RAB26: variants seen among roughly 807,000 people sequenced by gnomAD.
The protein encoded by RAB26 is ras-related protein Rab-26.
Under a neutral mutation model 33.1 loss-of-function variants are expected in RAB26, and 39 were observed. The ratio of observed to expected loss-of-function variants is 1.18; its 90% CI spans 0.91 to 1.54. The LOEUF (loss-of-function observed/expected upper bound fraction) is 1.54. Ranked by LOEUF, RAB26 falls within the 40% of genes most tolerant of loss-of-function variation. The pLI is 0.00. For missense variants in RAB26, 468 were observed against 362.9 expected (o/e 1.29, Z -2.35); for synonymous variants, 192 against 151.9 (o/e 1.26, Z -1.94).
rs921511836 is a variant in RAB26 at position 2,149,293 on chromosome 16, G to A, written c.195+315G>A. Among the ~76,000 whole-genome samples the A allele has an allele frequency of 2.0e-5, 3 of 151,174 alleles. No homozygotes were observed. The East Asian group carries it at 5.8e-4, about 29-fold the overall frequency. ...GTATGCTGCCCTCCCTCAACCCAGC[G>A]GCTGTGGGCCTTTTTTTTTTTTTTT... On this transcript the variant is annotated intron_variant, in intron 1 of 8. Coordinates refer to ENST00000210187, the MANE Select transcript of RAB26 (RefSeq NM_014353.5).
intron 1 of RAB26, among the ~76,000 whole-genome samples, chr16:2,149,474 G>T (rs1258566007): frequency 6.6e-6 from 1 of 152,062 alleles, no homozygotes; most frequent in Non-Finnish European, 1.5e-5. Context: ...CTGCCCACTT[G>T]CACCTCCCCC....
In RAB26 at chr16:2,150,028, T is replaced by C; in HGVS notation, c.283T>C (p.Ser95Pro). 3 of 1,544,444 alleles carry C rather than the reference T, an allele frequency of 1.9e-6. No individual in the cohort carries two copies. Among genetic ancestry groups the C allele is most frequent in the Non-Finnish European group, 2.6e-6 (3 of 1,143,670 alleles). ...TGCTTTCCTGGCGGGGACCTTCATC[T>C]CCACCGTAGGCATTGACTTCCGGGT... The part of the protein sequence containing the change: ...DGAFLAGTFI[S>P]TVGIDFRNKV... Residue 95 changes from serine to proline, a missense_variant, in exon 2 of 9, where the codon TCC becomes CCC. By Grantham distance (74) the Ser-to-Pro change is moderately conservative. Coordinates refer to ENST00000210187, the MANE Select transcript of RAB26 (RefSeq NM_014353.5).
chr16:2,151,213 C>T (rs1183120707), intron 2 of RAB26: 2 of 497,702 alleles, frequency 4.0e-6, no homozygotes, highest in East Asian at 1.1e-4. Flanking sequence ...TCAAGCCATC[C>T]TGAGTCTTTC....
Position 2,153,335 on chromosome 16 carries a change from T to G in RAB26, c.685T>G (p.Ser229Ala), listed in dbSNP as rs974345936. The G allele has an allele frequency of 6.2e-7, 1 of 1,613,422 alleles. No homozygotes were observed. Among genetic ancestry groups the G allele is most frequent in the Admixed American group, 1.7e-5 (1 of 60,022 alleles). ...ACTCCGCAGGGAGTTGAAGCAGCGC[T>G]CCATGAAGGCTCCCAGCGAGCCGCG... ...TAIAKELKQR[S>A]MKAPSEPRFR... Residue 229 changes from serine to alanine, a missense_variant, in exon 9 of 9, where the codon TCC (serine) becomes GCC (alanine). Physicochemically the swap from Ser to Ala is moderately conservative, Grantham distance 99 (BLOSUM62 1). Transcript: ENST00000210187.
In RAB26 at chr16:2,148,972, C is replaced by T. The variant is rs2092995653; in HGVS notation, c.189C>T (p.Ala63=). ...LGGGVDFYDV[A]FKVMLVGDSG... Reference sequence around the variant, plus strand: ...GCGGTGTCGACTTCTACGACGTCGCCTTCAAGGTGAGCCAGGCACCCGCCC... The same window carrying T: ...GCGGTGTCGACTTCTACGACGTCGCTTTCAAGGTGAGCCAGGCACCCGCCC... Residue 63 remains alanine (A), a synonymous_variant, in exon 1 of 9, where the codon GCC becomes GCT. Transcript: ENST00000210187. 1.6e-6 allele frequency: 2 copies of T among 1,276,020 alleles called. No individual in the cohort carries two copies. The highest frequency in any genetic ancestry group is 6.2e-5 in the East Asian group (2 of 32,436). 79.0% of individuals were successfully genotyped at this position (1,276,020 alleles called of 1,614,324 possible). A position where few individuals can be genotyped will look rare whatever the true frequency, so the allele number is the denominator to read the frequency against.
chr16:2,151,983 C>A, intron 5 of RAB26, 75 bp downstream of exon 5: 3 of 1,573,772 alleles, frequency 1.9e-6, no homozygotes, highest in Non-Finnish European at 2.6e-6. Flanking sequence ...TGGTAGATGG[C>A]ATCAGGGTTC....
At chr16:2,152,746 C>T (rs1002257435) in intron 5 of RAB26, 74 bp from the exon 6 acceptor site, 20 of 1,208,906 alleles carry the variant, frequency 1.7e-5, no homozygotes, top group Non-Finnish European at 2.3e-5. Flanking sequence ...TACAGTGTGA[C>T]CTGGAGGGCC....
Position 2,153,896 on chromosome 16 carries a change from C to T in RAB26, c.*475C>T, listed in dbSNP as rs191877461. ...TCCTGGGAGCTGCCTGCTCCCGGCCCACCCTCTAGGAGGCTCTGGCTCAAA... is the reference window on the plus strand; with the variant it reads ...TCCTGGGAGCTGCCTGCTCCCGGCCTACCCTCTAGGAGGCTCTGGCTCAAA... On this transcript the variant is annotated 3_prime_UTR_variant, in exon 9 of 9. Coordinates refer to ENST00000210187, the MANE Select transcript of RAB26 (RefSeq NM_014353.5). The T allele has an allele frequency of 5.5e-5, 25 of 456,002 alleles. No individual in the cohort carries two copies. In the East Asian group the frequency reaches 1.6e-3, roughly 29 times the overall value. The allele number at this position is 456,002 out of a possible 1,614,324, so 28.2% of individuals were successfully genotyped here.
chr16:2,152,831 C>G lies in RAB26; in HGVS notation c.480C>G (p.Thr160=), dbSNP rs556712776. ...ASFDNIQAWL[T]EIHEYAQHDV... ...GCTGCCTCCCACAGGCCTGGCTGAC[C>G]GAGATCCACGAGTACGCCCAGCACG... is the stretch of plus-strand genomic sequence containing the variant. Residue 160 remains threonine (T), a synonymous_variant, in exon 6 of 9, where the codon ACC becomes ACG. Coordinates refer to ENST00000210187, the MANE Select transcript of RAB26 (RefSeq NM_014353.5). 4.4e-6 allele frequency: 7 copies of G among 1,606,560 alleles called. No homozygotes were observed. Among genetic ancestry groups the G allele is most frequent in the South Asian group, 3.3e-5 (3 of 90,330 alleles).
Position 2,148,694 on chromosome 16 carries a change from T to TCGGGTC in RAB26, c.-83_-78dup. The TCGGGTC allele has an allele frequency of 5.4e-6, 6 of 1,118,512 alleles. No homozygotes were observed. Among genetic ancestry groups the TCGGGTC allele is most frequent in the South Asian group, 4.5e-5 (1 of 22,128 alleles). The allele number at this position is 1,118,512 out of a possible 1,614,324, so 69.3% of individuals were successfully genotyped here. A position where few individuals can be genotyped will look rare whatever the true frequency, so the allele number is the denominator to read the frequency against. On this transcript the variant is annotated 5_prime_UTR_variant, in exon 1 of 9. Transcript: ENST00000210187. Reference sequence around the variant, plus strand: ...CCGCCGCCGCCGCCAGGGGAAGGGTTCGGGTCCGGGTCGGGCTCGGCGGGC... The same window carrying TCGGGTC: ...CCGCCGCCGCCGCCAGGGGAAGGGTTCGGGTCCGGGTCCGGGTCGGGCTCGGCGGGC...
At position 2,148,827 on chromosome 16, in the gene RAB26, C is replaced by G; in HGVS notation, c.44C>G (p.Pro15Arg). Residue 15 changes from proline (P) to arginine (R), a missense_variant, in exon 1 of 9, where the codon CCC becomes CGC. Coordinates refer to ENST00000210187, the MANE Select transcript of RAB26 (RefSeq NM_014353.5). ...CCCAAGAGCAAAGGGGCCAGCACCC[C>G]CGCTGCCTCCACGCTGCCCACCGCC... is the stretch of plus-strand genomic sequence containing the variant. ...KTPKSKGAST[P>R]AASTLPTANG... The G allele has an allele frequency of 7.1e-7, 1 of 1,416,442 alleles. No individual in the cohort carries two copies. Among genetic ancestry groups the G allele is most frequent in the South Asian group, 1.5e-5 (1 of 64,854 alleles). The allele number at this position is 1,416,442 out of a possible 1,614,324, so 87.7% of individuals were successfully genotyped here.
chr16:2,150,679 C>T (rs1229073119), intron 2 of RAB26, among the ~76,000 whole-genome samples: 1 of 150,070 alleles, frequency 6.7e-6, no homozygotes, highest in Non-Finnish European at 1.5e-5. Context: ...CTGAAGTGCC[C>T]GAGGGGGGCA....
chr16:2,148,992 C>T lies in RAB26; in HGVS notation c.195+14C>T. The T allele has an allele frequency of 1.6e-6, 2 of 1,273,694 alleles. No homozygotes were observed. Among genetic ancestry groups the T allele is most frequent in the Admixed American group, 3.9e-5 (1 of 25,544 alleles). The allele number at this position is 1,273,694 out of a possible 1,614,324, so 78.9% of individuals were successfully genotyped here. A position where few individuals can be genotyped will look rare whatever the true frequency, so the allele number is the denominator to read the frequency against. The stretch of plus-strand genomic sequence containing the variant: ...GTCGCCTTCAAGGTGAGCCAGGCAC[C>T]CGCCCCCCAGGCCAGCGCAGCAGGT... On this transcript the variant is annotated intron_variant, in intron 1 of 8. Transcript: ENST00000210187.
At chr16:2,153,291 G>A (rs1470649207) in intron 8 of RAB26, 28 bp from the exon 9 acceptor site, 4 of 1,613,272 alleles carry the variant, frequency 2.5e-6, no homozygotes, top group Non-Finnish European at 3.4e-6. Context: ...CCAGGCCATC[G>A]TGTCCCCTTG....
At position 2,148,835 on chromosome 16, in the gene RAB26, T is replaced by C; in HGVS notation, c.52T>C (p.Ser18Pro). The C allele has an allele frequency of 7.1e-7, 1 of 1,411,552 alleles. No homozygotes were observed. The highest frequency in any genetic ancestry group is 9.2e-7 in the Non-Finnish European group (1 of 1,082,900). The allele number at this position is 1,411,552 out of a possible 1,614,324, so 87.4% of individuals were successfully genotyped here. A position where few individuals can be genotyped will look rare whatever the true frequency, so the allele number is the denominator to read the frequency against. ...CAAAGGGGCCAGCACCCCCGCTGCC[T>C]CCACGCTGCCCACCGCCAACGGGGC... ...KSKGASTPAA[S>P]TLPTANGARP... The change falls in exon 1 of 9, where the codon TCC (serine) becomes CCC (proline). Residue 18 changes from serine (S) to proline (P), a missense_variant. Ser to Pro is a moderately conservative substitution (Grantham distance 74). Transcript: ENST00000210187.
chr16:2,149,303 C>CTT (rs756125935), intron 1 of RAB26, among the ~76,000 whole-genome samples: 50 of 116,004 alleles, frequency 4.3e-4, no homozygotes, highest in South Asian at 1.4e-3. Context: ...GGCTGTGGGC[C>CTT]TTTTTTTTTT....
intron 2 of RAB26, chr16:2,151,133 G>A: frequency 2.3e-6 from 1 of 439,412 alleles, no homozygotes; most frequent in African/African-American, 2.0e-5. Flanking sequence ...TTTGAAGCAG[G>A]GTCTCACTCT....
chr16:2,153,064 G>T lies in RAB26; in HGVS notation c.591+19G>T. The T allele has an allele frequency of 1.2e-6, 2 of 1,611,670 alleles. No homozygotes were observed. Among genetic ancestry groups the T allele is most frequent in the African/African-American group, 1.3e-5 (1 of 75,018 alleles). On this transcript the variant is annotated intron_variant, in intron 7 of 8. Coordinates refer to ENST00000210187, the MANE Select transcript of RAB26 (RefSeq NM_014353.5). The stretch of plus-strand genomic sequence containing the variant: ...GGCCAAGGTGAGTCAGGGCAGGGGG[G>T]TGGTGAGGGGGTGCCCCTGGAGGCT...
chr16:2,152,542 G>C (rs1038784937), intron 5 of RAB26, among the ~76,000 whole-genome samples: 39 of 152,014 alleles, frequency 2.6e-4, no homozygotes, highest in East Asian at 9.7e-4. Context: ...GTGGTGGTGC[G>C]TAACTGTAAT....
Sources: allele counts gnomAD v4.1 joint callset (sites outside exome capture counted in the v4.1 genomes callset), GRCh38; gene constraint gnomAD v4.1.1; transcripts MANE v1.5; gene names NCBI Gene and HGNC (gene_info 2026-07-23, HGNC 2026-07-21).